Variants in HS6ST2 observed in about 807,000 individuals in gnomAD.
The protein encoded by HS6ST2 is heparan-sulfate 6-O-sulfotransferase 2.
In HS6ST2, 17 loss-of-function variants were observed where a neutral mutation model predicts 33.0. The ratio of observed to expected loss-of-function variants is 0.52; its 90% CI spans 0.35 to 0.77. The LOEUF is 0.77. Ranked by LOEUF, HS6ST2 falls within the 30% of genes least tolerant of loss-of-function variation. HS6ST2 has a pLI of 0.01. For missense variants in HS6ST2, 519 were observed against 551.7 expected, an observed-to-expected ratio of 0.94 and a Z score of 0.59; for synonymous variants, 248 against 237.1, an observed-to-expected ratio of 1.05 and a Z score of -0.42.
chrX:132,899,680 A>G (rs2066410086), intron 2 of HS6ST2, among the ~76,000 whole-genome samples: 1 of 111,952 alleles, frequency 8.9e-6, no homozygotes, highest in South Asian at 3.8e-4. Flanking sequence ...GTACCAAAAT[A>G]TTCGAAGAAA....
At chrX:132,655,993 A>G (rs2063727509) in intron 4 of HS6ST2, among the ~76,000 whole-genome samples, 1 of 111,453 alleles carries the variant, frequency 9.0e-6, no homozygotes, top group Admixed American at 9.5e-5. Context: ...TACAGGTTTC[A>G]TTACAGCCTA....
chrX:132,807,433 T>C (rs1318324076), intron 2 of HS6ST2, among the ~76,000 whole-genome samples: 1 of 104,537 alleles, frequency 9.6e-6, no homozygotes, highest in African/African-American at 3.3e-5. Flanking sequence ...AAAGAGAGCC[T>C]AAAGAATAAA....
chrX:132,671,280 T>G (rs749154808), intron 3 of HS6ST2, among the ~76,000 whole-genome samples: 58 of 111,282 alleles, frequency 5.2e-4, no homozygotes, highest in South Asian at 3.8e-4. Flanking sequence ...GCCTTCCTCC[T>G]CCTAGCCCCT....
intron 2 of HS6ST2, among the ~76,000 whole-genome samples, chrX:132,732,721 C>CA (rs1162413961): frequency 9.0e-6 from 1 of 111,684 alleles, no homozygotes; most frequent in African/African-American, 3.3e-5. Flanking sequence ...GCTCCCCAGC[C>CA]ATGTGGAACT....
chrX:132,794,417 A>G (rs1464360732), intron 2 of HS6ST2, among the ~76,000 whole-genome samples: 1 of 110,814 alleles, frequency 9.0e-6, no homozygotes, highest in Non-Finnish European at 1.9e-5. Context: ...TTTTTGAAAT[A>G]GGGTCTTACT....
At chrX:132,699,160 C>T (rs949504227) in intron 3 of HS6ST2, among the ~76,000 whole-genome samples, 18 of 111,444 alleles carry the variant, frequency 1.6e-4, no homozygotes, top group Non-Finnish European at 2.8e-4. Context: ...ATACCTCCTG[C>T]ATGAGAAGGG....
intron 2 of HS6ST2, among the ~76,000 whole-genome samples, chrX:132,910,940 A>T (rs1218585995): frequency 9.0e-6 from 1 of 111,239 alleles, no homozygotes; most frequent in East Asian, 2.8e-4. Flanking sequence ...ACTTGAGGTC[A>T]GGAGTTTGAG....
chrX:132,669,272 AT>A, intron 3 of HS6ST2, 73 bp from the exon 4 acceptor site: 3 of 909,237 alleles, frequency 3.3e-6, no homozygotes, highest in Non-Finnish European at 4.6e-6. Context: ...TAGTCACTTC[AT>A]TTAAAGACTC....
intron 2 of HS6ST2, among the ~76,000 whole-genome samples, chrX:132,932,666 A>G (rs911251222): frequency 9.0e-6 from 1 of 110,530 alleles, no homozygotes; most frequent in Non-Finnish European, 1.9e-5. Flanking sequence ...TCTGTGACAG[A>G]GCCCAGATGT....
chrX:132,638,001 ATCTTGT>A (rs2063575288), intron 4 of HS6ST2, among the ~76,000 whole-genome samples: 1 of 88,696 alleles, frequency 1.1e-5, no homozygotes, highest in Non-Finnish European at 2.1e-5. Context: ...GCCTTTGCAC[ATCTTGT>A]TCTTGGAGAA....
intron 2 of HS6ST2, among the ~76,000 whole-genome samples, chrX:132,865,537 C>T (rs1426444005): frequency 9.1e-6 from 1 of 110,188 alleles, no homozygotes; most frequent in African/African-American, 3.3e-5. Flanking sequence ...GTTCTAGATC[C>T]CTGAGGAATC....
chrX:132,783,332 C>T (rs906258216), intron 2 of HS6ST2, among the ~76,000 whole-genome samples: 1 of 111,785 alleles, frequency 8.9e-6, no homozygotes, highest in African/African-American at 3.3e-5. Flanking sequence ...AATGCTGGTG[C>T]TGTTTTGCAG....
At chrX:132,800,853 G>A (rs1324884509) in intron 2 of HS6ST2, among the ~76,000 whole-genome samples, 1 of 111,508 alleles carries the variant, frequency 9.0e-6, no homozygotes, top group African/African-American at 3.3e-5. Context: ...TGCTGTTCTT[G>A]TGACAGTGAG....
chrX:132,928,637 G>A (rs1157466360), intron 2 of HS6ST2, among the ~76,000 whole-genome samples: 1 of 110,999 alleles, frequency 9.0e-6, no homozygotes, highest in Non-Finnish European at 1.9e-5. Context: ...CATCAACAGA[G>A]CCTACCCTAA....
chrX:132,770,436 A>G (rs1006328291), intron 2 of HS6ST2, among the ~76,000 whole-genome samples: 2 of 112,025 alleles, frequency 1.8e-5, no homozygotes, highest in Non-Finnish European at 3.8e-5. Context: ...CAGAGAATTA[A>G]TAAAATTTGG....
In HS6ST2 at chrX:132,628,970, G is replaced by A; in HGVS notation, c.1191C>T (p.Thr397=). The change falls in exon 5 of 5, where the codon ACC becomes ACT. Residue 397 remains threonine, a synonymous_variant. Transcript: ENST00000370833. ...TGTAGCAGCTGGGCAGCTCTTCGGA[G>A]GTTGGAGGCCTTCCATCGCAGACAT... The part of the protein sequence containing the change: ...SLHVCDGRPP[T]SEELPSCYTG... 1 of 1,210,424 alleles carries A rather than the reference G, an allele frequency of 8.3e-7. No individual in the cohort carries two copies. The highest frequency in any genetic ancestry group is 1.1e-6 in the Non-Finnish European group (1 of 894,894).
At chrX:132,825,608 A>T (rs898683851) in intron 2 of HS6ST2, among the ~76,000 whole-genome samples, 3 of 111,860 alleles carry the variant, frequency 2.7e-5, no homozygotes, top group Non-Finnish European at 5.6e-5. Context: ...GACCTTGGAC[A>T]AGTACTTCTA....
In HS6ST2 at chrX:132,958,474, G is replaced by A. The variant is rs771768484; in HGVS notation, c.129C>T (p.Pro43=). The A allele has an allele frequency of 4.2e-6, 5 of 1,196,122 alleles. No individual in the cohort carries two copies. In the East Asian group the frequency reaches 1.2e-4, roughly 29 times the overall value. The part of the protein sequence containing the change: ...RVEAELAASR[P]GSVAASVRAG... ...CGCGAACTGAGGCGGCGACCGACCC[G>A]GGCCGGCTCGCTGCCAATTCGGCCT... The change falls in exon 1 of 5, where the codon CCC becomes CCT. Residue 43 remains proline (P), a synonymous_variant. Coordinates refer to ENST00000370833, the MANE Select transcript of HS6ST2 (RefSeq NM_001394073.1).
chrX:132,806,512 T>G (rs2065285329), intron 2 of HS6ST2, among the ~76,000 whole-genome samples: 1 of 110,072 alleles, frequency 9.1e-6, no homozygotes. Flanking sequence ...TGGCTAAATG[T>G]CTTAGGGCAA....
Sources: allele counts gnomAD v4.1 joint callset (sites outside exome capture counted in the v4.1 genomes callset), GRCh38; gene constraint gnomAD v4.1.1; transcripts MANE v1.5; gene names NCBI Gene and HGNC (gene_info 2026-07-23, HGNC 2026-07-21).